The following CCDC7 variants were observed in gnomAD, a reference collection of about 807,000 sequenced individuals.
The protein encoded by CCDC7 is coiled-coil domain containing 7, also known as coiled-coil domain-containing protein 7.
CCDC7 carries 183 observed loss-of-function variants against 196.9 expected under a neutral mutation model. The ratio of observed to expected loss-of-function variants is 0.93; its 90% CI spans 0.82 to 1.05. The LOEUF is 1.05. Among genes scored for constraint, CCDC7 ranks in the 50% least tolerant of loss-of-function variants. The pLI is 0.00. For missense variants in CCDC7, 1,540 were observed against 1,482.2 expected, an observed-to-expected ratio of 1.04 and a Z score of -0.64; for synonymous variants, 525 against 484.6, an observed-to-expected ratio of 1.08 and a Z score of -1.10.
chr10:32,798,891 C>A (rs922800715), intron 29 of CCDC7, among the ~76,000 whole-genome samples: 1 of 152,176 alleles, frequency 6.6e-6, no homozygotes, highest in African/African-American at 2.4e-5. Context: ...TATTCTCTTC[C>A]TCTGTCCACT....
intron 41 of CCDC7, among the ~76,000 whole-genome samples, chr10:32,875,027 C>T (rs1042046296): frequency 2.6e-5 from 4 of 151,950 alleles, no homozygotes; most frequent in African/African-American, 9.7e-5. Flanking sequence ...CAAATTTTCC[C>T]AGCATCATTT....
intron 28 of CCDC7, among the ~76,000 whole-genome samples, chr10:32,733,820 G>A (rs987324129): frequency 6.6e-6 from 1 of 152,052 alleles, no homozygotes; most frequent in Non-Finnish European, 1.5e-5. Flanking sequence ...GGTAAATGGA[G>A]ACTGTCTGTT....
chr10:32,764,323 CA>C, intron 28 of CCDC7, among the ~76,000 whole-genome samples: 1 of 150,872 alleles, frequency 6.6e-6, no homozygotes, highest in Non-Finnish European at 1.5e-5. Context: ...AAAAAAACTA[CA>C]TAATTTTTCT....
intron 18 of CCDC7, among the ~76,000 whole-genome samples, chr10:32,604,011 A>G (rs1448347318): frequency 6.6e-6 from 1 of 152,124 alleles, no homozygotes; most frequent in Non-Finnish European, 1.5e-5. Flanking sequence ...TCACGGCCAT[A>G]AAATTTTTGG....
chr10:32,506,899 C>T (rs940991010), intron 9 of CCDC7, among the ~76,000 whole-genome samples: 23 of 152,264 alleles, frequency 1.5e-4, no homozygotes, highest in Admixed American at 6.5e-4. Context: ...AATTATATAA[C>T]GACCTTTGTC....
intron 18 of CCDC7, among the ~76,000 whole-genome samples, chr10:32,606,999 A>G (rs2061619780): frequency 6.6e-6 from 1 of 152,098 alleles, no homozygotes; most frequent in Non-Finnish European, 1.5e-5. Flanking sequence ...GTAAACCCCA[A>G]AGTTGGAGAT....
rs556503278 is a variant in CCDC7 at position 32,585,274 on chromosome 10, C to T, written c.1801+970C>T. On this transcript the variant is annotated intron_variant, in intron 18 of 41. Coordinates refer to ENST00000639629, the Ensembl canonical transcript of CCDC7. ...ATTTTTAGTAGAGATGGGGTTTCAC[C>T]GTGTTAGACAGGATGGTCTCGATCT... Among the ~76,000 whole-genome samples, 4 of 152,212 alleles carry T rather than the reference C, an allele frequency of 2.6e-5. No homozygotes were observed. The South Asian group carries it at 6.2e-4, about 24-fold the overall frequency.
intron 31 of CCDC7, among the ~76,000 whole-genome samples, chr10:32,817,415 A>T (rs1220346467): frequency 6.6e-6 from 1 of 152,246 alleles, no homozygotes; most frequent in Non-Finnish European, 1.5e-5. Flanking sequence ...AACACTCTGT[A>T]GGATATTATC....
intron 14 of CCDC7, 82 bp downstream of exon 15, chr10:32,565,702 C>T: frequency 2.0e-6 from 3 of 1,471,164 alleles, no homozygotes; most frequent in South Asian, 2.7e-5. Flanking sequence ...ATAATTTTTA[C>T]TTTGTAAGCT....
chr10:32,591,497 CTTGTTTTTTTGTTTGT>C (rs913881479), intron 18 of CCDC7, among the ~76,000 whole-genome samples: 3 of 148,916 alleles, frequency 2.0e-5, no homozygotes, highest in African/African-American at 7.3e-5. Flanking sequence ...TTCCTTTTTG[CTTGTTTTTTTGTTTGT>C]TTGTTTGTGC....
chr10:32,567,581 G>T, intron 14 of CCDC7, 89 bp from the exon 16 acceptor site: 3 of 1,392,892 alleles, frequency 2.2e-6, no homozygotes, highest in East Asian at 2.5e-5. Flanking sequence ...AATCATGTAG[G>T]CGTAAATATA....
intron 32 of CCDC7, among the ~76,000 whole-genome samples, chr10:32,828,467 G>GAAGAAGAAGAAGAAGAAGAAGAA (rs1555179415): frequency 1.0e-4 from 5 of 49,050 alleles, no homozygotes; most frequent in South Asian, 7.5e-4. Context: ...AAGAAGAAGA[G>GAAGAAGAAGAAGAAGAAGAAGAA]GAAGAGGAAG....
exon 1 of CCDC7, chr10:32,446,181 T>G (rs1164627235): frequency 6.6e-6 from 1 of 152,136 alleles, no homozygotes; most frequent in Non-Finnish European, 1.5e-5. Context: ...CCGGCGGTCT[T>G]TGCTGCCGCC....
chr10:32,797,982 A>G (rs2083963719), intron 29 of CCDC7, among the ~76,000 whole-genome samples: 1 of 152,216 alleles, frequency 6.6e-6, no homozygotes, highest in South Asian at 2.1e-4. Flanking sequence ...GAATTCCATG[A>G]GCATGAGTCT....
intron 41 of CCDC7, among the ~76,000 whole-genome samples, chr10:32,859,756 A>C (rs1228725543): frequency 6.6e-6 from 1 of 152,246 alleles, no homozygotes; most frequent in Non-Finnish European, 1.5e-5. Context: ...ACAGAAATAC[A>C]AACTACCATC....
chr10:32,579,270 C>T (rs1401388944), intron 16 of CCDC7, among the ~76,000 whole-genome samples: 1 of 151,854 alleles, frequency 6.6e-6, no homozygotes, highest in Non-Finnish European at 1.5e-5. Context: ...ACTAGCATTG[C>T]ATAGTGCATT....
intron 20 of CCDC7, among the ~76,000 whole-genome samples, chr10:32,659,603 C>A (rs911966258): frequency 6.6e-6 from 1 of 152,016 alleles, no homozygotes; most frequent in Non-Finnish European, 1.5e-5. Flanking sequence ...CTATACGAAA[C>A]TAAAACACAT....
chr10:32,825,832 G>A (rs570893314), intron 32 of CCDC7, among the ~76,000 whole-genome samples: 1 of 152,284 alleles, frequency 6.6e-6, no homozygotes, highest in African/African-American at 2.4e-5. Context: ...GCCTCGCCAG[G>A]TGTCTACTGT....
intron 9 of CCDC7, among the ~76,000 whole-genome samples, chr10:32,506,292 C>T (rs540148981): frequency 1.8e-4 from 26 of 141,976 alleles, no homozygotes; most frequent in Admixed American, 5.7e-4. Context: ...ACATCCCAGA[C>T]GATGGGCGGC....
Sources: gnomAD v4.1 joint callset for allele counts (sites outside exome capture counted in the v4.1 genomes callset) on GRCh38, gnomAD v4.1.1 for gene constraint, MANE v1.5 for transcripts, NCBI Gene and HGNC (gene_info 2026-07-23, HGNC 2026-07-21) for gene names.